DIP2C: variants seen among roughly 807,000 people sequenced by gnomAD.
DIP2C encodes DIP2 acetate--CoA ligase C (putative).
In DIP2C, 33 loss-of-function variants were observed where a neutral mutation model predicts 192.4. That is an observed-to-expected ratio of 0.17 (90% CI 0.13 to 0.23). The LOEUF is 0.23. Among genes scored for constraint, DIP2C ranks in the 10% least tolerant of loss-of-function variants. The pLI, the probability that DIP2C is intolerant of heterozygous loss-of-function variation, is 1.00. For missense variants in DIP2C, 1,537 were observed against 2,110.1 expected (o/e 0.73, Z 5.32); for synonymous variants, 979 against 864.1 (o/e 1.13, Z -2.33).
At chr10:540,627 G>A (rs79062580) in intron 1 of DIP2C, among the ~76,000 whole-genome samples, 305 of 152,310 alleles carry the variant, frequency 2.0e-3, no homozygotes, top group African/African-American at 6.5e-3. Flanking sequence ...AGAATATGGC[G>A]GTGATCGTGG....
chr10:535,831 C>T (rs1043949562), intron 1 of DIP2C, among the ~76,000 whole-genome samples: 5 of 152,204 alleles, frequency 3.3e-5, no homozygotes, highest in African/African-American at 1.2e-4. Flanking sequence ...CCTTGGGTCA[C>T]ATTTGCTCTT....
chr10:325,355 C>T (rs547273899), intron 31 of DIP2C, among the ~76,000 whole-genome samples: 1 of 152,240 alleles, frequency 6.6e-6, no homozygotes, highest in Non-Finnish European at 1.5e-5. Context: ...ATGTACTCTA[C>T]AAGAGGCCAA....
At chr10:458,401 G>A (rs1374718188) in intron 3 of DIP2C, among the ~76,000 whole-genome samples, 1 of 152,254 alleles carries the variant, frequency 6.6e-6, no homozygotes, top group Non-Finnish European at 1.5e-5. Context: ...CATAGAGGAG[G>A]AACTTATACG....
At chr10:384,492 C>G (rs918463838) in intron 15 of DIP2C, 54 bp downstream of exon 15, 8 of 1,566,360 alleles carry the variant, frequency 5.1e-6, no homozygotes, top group Non-Finnish European at 6.1e-6. Flanking sequence ...CCTGCTTTGG[C>G]CTCCTAAAGC....
Position 456,224 on chromosome 10 carries a change from T to C in DIP2C, c.269-15228A>G, listed in dbSNP as rs547667341. Among the ~76,000 whole-genome samples, 93 of 125,440 alleles carry C rather than the reference T, an allele frequency of 7.4e-4. 1 individual carries two copies. The South Asian group carries it at 0.01, about 14-fold the overall frequency. 82.3% of individuals were successfully genotyped at this position (125,440 alleles called of 152,430 possible). A position where few individuals can be genotyped will look rare whatever the true frequency, so the allele number is the denominator to read the frequency against. The stretch of plus-strand genomic sequence containing the variant: ...ATGAAAACACTCTGCAGTGAGTCCC[T>C]GCCTGAGGGGAGGCCGTGAGGAGTA... On this transcript the variant is annotated intron_variant, in intron 3 of 36. Transcript: ENST00000280886.
chr10:377,765 C>T (rs1376931829), intron 17 of DIP2C, among the ~76,000 whole-genome samples: 1 of 152,182 alleles, frequency 6.6e-6, no homozygotes, highest in African/African-American at 2.4e-5. Flanking sequence ...ATTTTTCTCC[C>T]AGCTAACTTC....
Position 337,009 on chromosome 10 carries a change from AG to A in DIP2C, c.3584+4189del, listed in dbSNP as rs1564574479. 6.7e-4 allele frequency among the ~76,000 whole-genome samples: 34 copies of A among 50,744 alleles called. 1 individual carries two copies. The highest frequency in any genetic ancestry group is 3.0e-3 in the East Asian group (5 of 1,666). 33.3% of individuals were successfully genotyped at this position (50,744 alleles called of 152,430 possible). On this transcript the variant is annotated intron_variant, in intron 29 of 36. Transcript: ENST00000280886. ...GTGTGTGTGTTGTGGAGGCCTAGGC[AG>A]CTGTGTGTGTGTGTGTGTGTGTTGT...
intron 1 of DIP2C, chr10:663,044 T>C (rs1856859246): frequency 1.5e-6 from 1 of 648,918 alleles, no homozygotes; most frequent in Admixed American, 2.2e-5. Context: ...CTCTGGACCC[T>C]GCTGGGGCAG....
intron 24 of DIP2C, among the ~76,000 whole-genome samples, chr10:352,763 G>T: frequency 6.6e-6 from 1 of 152,168 alleles, no homozygotes; most frequent in East Asian, 1.9e-4. Context: ...ACTGAGCAGT[G>T]TCCCTTCTTC....
chr10:338,771 G>A (rs956657591), intron 29 of DIP2C, among the ~76,000 whole-genome samples: 6 of 147,954 alleles, frequency 4.1e-5, no homozygotes, highest in South Asian at 2.2e-4. Flanking sequence ...CTGCCTGGCT[G>A]GCACTGCCCA....
intron 1 of DIP2C, among the ~76,000 whole-genome samples, chr10:670,339 CG>C (rs1220437469): frequency 1.3e-5 from 2 of 152,118 alleles, no homozygotes; most frequent in Admixed American, 1.3e-4. Flanking sequence ...CATGCGCACG[CG>C]TACATGCACA....
chr10:523,116 C>T (rs980813512), intron 1 of DIP2C, among the ~76,000 whole-genome samples: 4 of 151,846 alleles, frequency 2.6e-5, no homozygotes, highest in African/African-American at 7.3e-5. Context: ...GATGCAGGGA[C>T]TCTGTGTCAC....
chr10:534,701 G>T (rs1013317860), intron 1 of DIP2C, among the ~76,000 whole-genome samples: 1 of 144,318 alleles, frequency 6.9e-6, no homozygotes, highest in Non-Finnish European at 1.5e-5. Flanking sequence ...ACGGAGTCTC[G>T]CTCTGTCGCC....
At chr10:561,033 C>T (rs1849186960) in intron 1 of DIP2C, among the ~76,000 whole-genome samples, 1 of 152,208 alleles carries the variant, frequency 6.6e-6, no homozygotes, top group Non-Finnish European at 1.5e-5. Context: ...CTGGACACCC[C>T]TGCTTCCAGT....
intron 1 of DIP2C, among the ~76,000 whole-genome samples, chr10:530,287 C>T (rs1457847379): frequency 1.3e-5 from 2 of 152,184 alleles, no homozygotes; most frequent in African/African-American, 4.8e-5. Flanking sequence ...GGGCTTGATT[C>T]AAAACAGCTT....
chr10:347,731 G>A lies in DIP2C; in HGVS notation c.3231+910C>T, dbSNP rs565638468. On this transcript the variant is annotated intron_variant, in intron 26 of 36. Coordinates refer to ENST00000280886, the MANE Select transcript of DIP2C (RefSeq NM_014974.3). ...CACGCACCCAACCCAGACACATCGC[G>A]CATAGTTCTCCCGGAAACCCTACAT... Among the ~76,000 whole-genome samples, 4 of 135,982 alleles carry A rather than the reference G, an allele frequency of 2.9e-5. 1 individual carries two copies. The highest frequency in any genetic ancestry group is 2.3e-4 in the Admixed American group (3 of 12,868). The allele number at this position is 135,982 out of a possible 152,430, so 89.2% of individuals were successfully genotyped here.
At chr10:676,316 G>A (rs1004130640) in intron 1 of DIP2C, among the ~76,000 whole-genome samples, 2 of 152,106 alleles carry the variant, frequency 1.3e-5, no homozygotes, top group Non-Finnish European at 1.5e-5. Flanking sequence ...ATACTGAACG[G>A]GGAAACACTA....
intron 31 of DIP2C, among the ~76,000 whole-genome samples, chr10:323,143 G>A (rs1167429989): frequency 1.5e-4 from 4 of 26,206 alleles, no homozygotes; most frequent in Non-Finnish European, 3.7e-4. Flanking sequence ...AGTCAGTCGG[G>A]GGTGCGGGGC....
chr10:488,996 T>G (rs1844229196), intron 1 of DIP2C, among the ~76,000 whole-genome samples: 1 of 152,094 alleles, frequency 6.6e-6, no homozygotes, highest in Non-Finnish European at 1.5e-5. Context: ...GGGTGATCAT[T>G]TACCTGTTCA....
Sources: gnomAD v4.1 joint callset for allele counts (sites outside exome capture counted in the v4.1 genomes callset) on GRCh38, gnomAD v4.1.1 for gene constraint, MANE v1.5 for transcripts, NCBI Gene and HGNC (gene_info 2026-07-23, HGNC 2026-07-21) for gene names.